Variants in ANKRD31 observed in about 807,000 individuals in gnomAD.
ANKRD31 encodes the protein ankyrin repeat domain 31.
In ANKRD31, 147 loss-of-function variants were observed where a neutral mutation model predicts 186.0. The observed-to-expected ratio is 0.79, with a 90% CI of 0.69 to 0.91. The LOEUF (loss-of-function observed/expected upper bound fraction) is 0.91, where lower values mean the gene tolerates loss of function less well. Ranked by LOEUF, ANKRD31 falls within the 40% of genes least tolerant of loss-of-function variation. The pLI is 0.00. For synonymous variants in ANKRD31, 673 were observed against 736.4 expected, an observed-to-expected ratio of 0.91 and a Z score of 1.39; for missense variants, 1,986 against 2,148.8, an observed-to-expected ratio of 0.92 and a Z score of 1.50.
In ANKRD31 at chr5:75,113,201, C is replaced by G. The variant is rs943516872; in HGVS notation, c.4156-601G>C. ...ACTTTCAGGGTGTAAATCCTAGCTT[C>G]ACCTCTTCCTATCTGGGTGACTCCA... On this transcript the variant is annotated intron_variant, in intron 19 of 25. Coordinates refer to ENST00000506364, the MANE Select transcript of ANKRD31 (RefSeq NM_001372053.1). Among the ~76,000 whole-genome samples the G allele has an allele frequency of 1.1e-4, 16 of 152,162 alleles. 1 individual carries two copies. Among genetic ancestry groups the G allele is most frequent in the Non-Finnish European group, 1.5e-4 (10 of 68,036 alleles).
intron 17 of ANKRD31, among the ~76,000 whole-genome samples, chr5:75,127,951 G>C (rs1233316263): frequency 6.6e-6 from 1 of 152,100 alleles, no homozygotes; most frequent in Non-Finnish European, 1.5e-5. Flanking sequence ...TGCTGTTATA[G>C]AGAAATACAG....
chr5:75,123,900 A>G lies in ANKRD31; in HGVS notation c.3877-5603T>C, dbSNP rs1478711209. On this transcript the variant is annotated intron_variant, in intron 17 of 25. Coordinates refer to ENST00000506364, the MANE Select transcript of ANKRD31 (RefSeq NM_001372053.1). ...AAAGAATTCATAAGACCTTGAAACCATAAGCAACGAAAACAAAAACAGACA... is the reference window on the plus strand; with the variant it reads ...AAAGAATTCATAAGACCTTGAAACCGTAAGCAACGAAAACAAAAACAGACA... 2.6e-5 allele frequency among the ~76,000 whole-genome samples: 4 copies of G among 152,092 alleles called. No individual in the cohort carries two copies. The East Asian group carries it at 5.8e-4, about 22-fold the overall frequency.
intron 10 of ANKRD31, among the ~76,000 whole-genome samples, chr5:75,177,144 C>T (rs559859944): frequency 2.2e-4 from 34 of 151,576 alleles, no homozygotes; most frequent in African/African-American, 4.4e-4. Context: ...CGATGGAAGA[C>T]GAAATGAATG....
At chr5:75,224,068 AACTG>A (rs1054685796) in intron 2 of ANKRD31, among the ~76,000 whole-genome samples, 17 of 137,876 alleles carry the variant, frequency 1.2e-4, no homozygotes, top group Admixed American at 3.7e-4. Flanking sequence ...TAGCAGCCCC[AACTG>A]ACTAAGACAC....
chr5:75,126,324 C>A (rs1431316180), intron 17 of ANKRD31, among the ~76,000 whole-genome samples: 1 of 152,092 alleles, frequency 6.6e-6, no homozygotes, highest in African/African-American at 2.4e-5. Context: ...TGCCTGTAAT[C>A]CCAGCTACTT....
At chr5:75,092,590 G>A (rs1203331190) in intron 22 of ANKRD31, among the ~76,000 whole-genome samples, 3 of 152,166 alleles carry the variant, frequency 2.0e-5, no homozygotes, top group African/African-American at 7.2e-5. Flanking sequence ...AATCTAGCCA[G>A]TAATTAAACA....
At chr5:75,232,559 TTG>T (rs1164742176) in intron 1 of ANKRD31, among the ~76,000 whole-genome samples, 6 of 105,862 alleles carry the variant, frequency 5.7e-5, no homozygotes, top group Admixed American at 1.7e-4. Context: ...CAACCAAATT[TTG>T]TGTGTTTTTT....
intron 4 of ANKRD31, among the ~76,000 whole-genome samples, chr5:75,208,334 C>G (rs1021523246): frequency 3.3e-5 from 5 of 152,032 alleles, no homozygotes; most frequent in Non-Finnish European, 2.9e-5. Flanking sequence ...GACGCTATGG[C>G]AAGCTGCGTA....
intron 23 of ANKRD31, 68 bp downstream of exon 23, chr5:75,091,192 CT>C (rs1184168531): frequency 2.7e-5 from 39 of 1,459,662 alleles, no homozygotes; most frequent in Non-Finnish European, 3.5e-5. Context: ...TTAAAAAATA[CT>C]TTCATCACAA....
chr5:75,098,752 A>G (rs1746549337), intron 22 of ANKRD31, among the ~76,000 whole-genome samples: 3 of 152,108 alleles, frequency 2.0e-5, no homozygotes, highest in Admixed American at 2.0e-4. Flanking sequence ...TGGTGTATAG[A>G]AATGCTTGTG....
chr5:75,211,593 A>G, intron 3 of ANKRD31, among the ~76,000 whole-genome samples: 1 of 152,144 alleles, frequency 6.6e-6, no homozygotes, highest in East Asian at 1.9e-4. Context: ...CAGTTGCATC[A>G]TTTTACATTT....
chr5:75,068,715 T>A, intron 25 of ANKRD31, 51 bp from the exon 26 acceptor site: 1 of 1,435,806 alleles, frequency 7.0e-7, no homozygotes, highest in Non-Finnish European at 9.1e-7. Context: ...AAATTTAAGA[T>A]GTAAATTTTG....
chr5:75,125,591 A>ATT (rs1288961697), intron 17 of ANKRD31, among the ~76,000 whole-genome samples: 3 of 152,318 alleles, frequency 2.0e-5, no homozygotes, highest in African/African-American at 7.2e-5. Context: ...ATTAATAATG[A>ATT]CTATTCTGCC....
intron 15 of ANKRD31, among the ~76,000 whole-genome samples, chr5:75,140,271 G>A (rs1750930009): frequency 8.4e-6 from 1 of 118,564 alleles, no homozygotes; most frequent in Non-Finnish European, 1.8e-5. Context: ...AGGAAGGAAA[G>A]AGAGAGAGAG....
Position 75,198,432 on chromosome 5 carries a change from G to A in ANKRD31, c.447+1199C>T, listed in dbSNP as rs546155811. Among the ~76,000 whole-genome samples, 5 of 152,204 alleles carry A rather than the reference G, an allele frequency of 3.3e-5. No individual in the cohort carries two copies. The East Asian group carries it at 9.7e-4, about 29-fold the overall frequency. On this transcript the variant is annotated intron_variant, in intron 6 of 25. Transcript: ENST00000506364. The stretch of plus-strand genomic sequence containing the variant: ...GAAGAAAAAAATGGAGGCAGTGGAG[G>A]GCTTTCATGATTCTTTGAAAAATAC...
chr5:75,216,176 C>T (rs1229325207), intron 3 of ANKRD31, among the ~76,000 whole-genome samples: 1 of 152,156 alleles, frequency 6.6e-6, no homozygotes, highest in Non-Finnish European at 1.5e-5. Context: ...GGCTAGTTTA[C>T]TATCTGATGA....
chr5:75,236,651 A>T lies in ANKRD31; in HGVS notation c.36T>A (p.Ser12Arg). ...CTGAACCCTCTATCACAGTTTCATC[A>T]CTGTCCCAGTCTGGGGCCTGGACGC... ...EEGVQAPDWD[S>R]DETVIEGSVT... Residue 12 changes from serine (S) to arginine (R), a missense_variant, in exon 1 of 26, where the codon AGT (serine) becomes AGA (arginine). By Grantham distance (110) the Ser-to-Arg change is moderately radical (BLOSUM62 -1). Transcript: ENST00000506364. The T allele has an allele frequency of 6.5e-7, 1 of 1,536,924 alleles. No individual in the cohort carries two copies. The highest frequency in any genetic ancestry group is 8.7e-7 in the Non-Finnish European group (1 of 1,146,672).
intron 3 of ANKRD31, among the ~76,000 whole-genome samples, chr5:75,218,012 A>G (rs1561545188): frequency 1.3e-5 from 2 of 152,090 alleles, no homozygotes; most frequent in African/African-American, 2.4e-5. Context: ...CAAATTAACA[A>G]CTAAACATAC....
At chr5:75,117,771 C>T (rs1458228554) in intron 18 of ANKRD31, among the ~76,000 whole-genome samples, 1 of 152,036 alleles carries the variant, frequency 6.6e-6, no homozygotes, top group Non-Finnish European at 1.5e-5. Context: ...ATGTTATATT[C>T]CTCTTAGTTG....
Sources: allele counts gnomAD v4.1 joint callset (sites outside exome capture counted in the v4.1 genomes callset), GRCh38; gene constraint gnomAD v4.1.1; transcripts MANE v1.5; gene names NCBI Gene and HGNC (gene_info 2026-07-23, HGNC 2026-07-21).